Variants in ASCC3 observed in about 807,000 individuals in gnomAD.
ASCC3 encodes the protein ASC-1 complex subunit P200.
Under a neutral mutation model 256.3 loss-of-function variants are expected in ASCC3, and 158 were observed. The observed-to-expected ratio is 0.62, with a 90% CI of 0.54 to 0.70. The LOEUF is 0.70. ASCC3 is among the 30% of genes least tolerant of loss of function. The pLI is 0.00. For synonymous variants in ASCC3, 948 were observed against 883.4 expected (o/e 1.07, Z -1.30); for missense variants, 2,259 against 2,626.0 (o/e 0.86, Z 3.05).
chr6:100,813,074 GAAAGA>G (rs1770558260), intron 4 of ASCC3, among the ~76,000 whole-genome samples: 3 of 151,962 alleles, frequency 2.0e-5, no homozygotes, highest in African/African-American at 7.3e-5. Context: ...ATACCCAAAG[GAAAGA>G]AAAGAGCAAA....
chr6:100,590,104 C>T (rs1043205997), intron 34 of ASCC3, 45 bp from the exon 35 acceptor site: 1 of 1,298,410 alleles, frequency 7.7e-7, no homozygotes, highest in South Asian at 1.2e-5. Flanking sequence ...AAGACATTTT[C>T]TACTAAAACT....
intron 4 of ASCC3, among the ~76,000 whole-genome samples, chr6:100,845,170 T>C (rs1035945536): frequency 3.3e-5 from 5 of 152,160 alleles, no homozygotes; most frequent in African/African-American, 1.2e-4. Flanking sequence ...TTTGTCAGAA[T>C]GTCTGAATTT....
intron 13 of ASCC3, among the ~76,000 whole-genome samples, chr6:100,712,474 C>T (rs1035915554): frequency 2.6e-5 from 4 of 152,132 alleles, no homozygotes; most frequent in Non-Finnish European, 5.9e-5. Context: ...AAAGACATTT[C>T]ACCAAAGAAG....
chr6:100,571,076 C>G (rs1026705461), intron 36 of ASCC3, among the ~76,000 whole-genome samples: 1 of 152,146 alleles, frequency 6.6e-6, no homozygotes, highest in Admixed American at 6.5e-5. Context: ...CCTCTGAACA[C>G]TTAGGATAAA....
At chr6:100,648,646 G>C (rs1009298587) in intron 20 of ASCC3, among the ~76,000 whole-genome samples, 20 of 151,900 alleles carry the variant, frequency 1.3e-4, no homozygotes, top group Admixed American at 3.9e-4. Context: ...GTCTTTATAA[G>C]GCCCAGAGAA....
intron 36 of ASCC3, among the ~76,000 whole-genome samples, chr6:100,577,791 C>T (rs184490246): frequency 4.5e-4 from 69 of 151,912 alleles, no homozygotes; most frequent in African/African-American, 1.5e-3. Context: ...AAGTTTGTCA[C>T]TAATGTTCAT....
At chr6:100,825,563 ACC>A (rs1771263534) in intron 4 of ASCC3, among the ~76,000 whole-genome samples, 1 of 152,032 alleles carries the variant, frequency 6.6e-6, no homozygotes, top group African/African-American at 2.4e-5. Context: ...ACCTTGGTGA[ACC>A]TGATGATTAT....
chr6:100,782,500 C>T (rs934484843), intron 8 of ASCC3, among the ~76,000 whole-genome samples: 8 of 152,116 alleles, frequency 5.3e-5, no homozygotes, highest in African/African-American at 1.9e-4. Flanking sequence ...ATATTTCGCT[C>T]ACAAATCAAT....
chr6:100,696,250 C>T (rs1024725203), intron 13 of ASCC3, among the ~76,000 whole-genome samples: 5 of 151,854 alleles, frequency 3.3e-5, no homozygotes, highest in African/African-American at 1.2e-4. Flanking sequence ...TGAAAACAAA[C>T]AAAAAATTGA....
intron 34 of ASCC3, among the ~76,000 whole-genome samples, chr6:100,592,949 C>T (rs1037953386): frequency 2.6e-5 from 4 of 152,006 alleles, no homozygotes; most frequent in African/African-American, 9.7e-5. Context: ...CTTCTCTTTG[C>T]CATAAACGGA....
intron 36 of ASCC3, among the ~76,000 whole-genome samples, chr6:100,568,054 T>G (rs917027842): frequency 6.6e-6 from 1 of 150,538 alleles, no homozygotes; most frequent in African/African-American, 2.4e-5. Context: ...ACAACATCTG[T>G]TTTTTTTTGA....
intron 4 of ASCC3, among the ~76,000 whole-genome samples, chr6:100,839,296 C>T (rs1487210997): frequency 6.6e-6 from 1 of 152,094 alleles, no homozygotes; most frequent in Non-Finnish European, 1.5e-5. Context: ...CTTAAAAGTA[C>T]TTGGCACAGA....
chr6:100,608,451 ATATATATATACTTTATATATATATACTT>A (rs1773133698), intron 30 of ASCC3, among the ~76,000 whole-genome samples: 14 of 31,562 alleles, frequency 4.4e-4, no homozygotes, highest in African/African-American at 1.2e-3. Flanking sequence ...TATATATTTT[ATATATATATACTTTATATATATATACTT>A]TATATATATA....
chr6:100,732,685 G>GAAGTAA (rs1779958267), intron 10 of ASCC3, among the ~76,000 whole-genome samples: 1 of 152,002 alleles, frequency 6.6e-6, no homozygotes, highest in Non-Finnish European at 1.5e-5. Flanking sequence ...AAGATAACTA[G>GAAGTAA]AAGTTATACT....
Position 100,687,032 on chromosome 6 carries a change from T to TCACACACACACACA in ASCC3, c.2152-7281_2152-7280insTGTGTGTGTGTGTG, listed in dbSNP as rs1305315395. Among the ~76,000 whole-genome samples the TCACACACACACACA allele has an allele frequency of 3.1e-3, 404 of 132,148 alleles. 6 individuals are homozygous for TCACACACACACACA. The highest frequency in any genetic ancestry group is 0.021 in the Admixed American group (268 of 12,584). 86.7% of individuals were successfully genotyped at this position (132,148 alleles called of 152,430 possible). A position where few individuals can be genotyped will look rare whatever the true frequency, so the allele number is the denominator to read the frequency against. On this transcript the variant is annotated intron_variant, in intron 13 of 41. Transcript: ENST00000369162. ...TTAAATCTCTCTCTCTCTCTCTCTCTCTCACACACACACACACACACACAC... is the reference window on the plus strand; with the variant it reads ...TTAAATCTCTCTCTCTCTCTCTCTCTCACACACACACACACTCACACACACACACACACACACAC...
intron 36 of ASCC3, among the ~76,000 whole-genome samples, chr6:100,546,738 T>C (rs924407987): frequency 8.5e-5 from 13 of 152,166 alleles, no homozygotes; most frequent in African/African-American, 3.1e-4. Context: ...ACTTTTTCAC[T>C]GAAACATTTT....
chr6:100,864,341 A>G (rs1413578323), intron 2 of ASCC3, 127 bp from the exon 3 acceptor site: 3 of 809,548 alleles, frequency 3.7e-6, no homozygotes, highest in Non-Finnish European at 5.8e-6. Flanking sequence ...AGTTGTATCT[A>G]TTCACATCCA....
intron 30 of ASCC3, among the ~76,000 whole-genome samples, chr6:100,619,615 A>C (rs1185234067): frequency 6.6e-6 from 1 of 152,178 alleles, no homozygotes; most frequent in African/African-American, 2.4e-5. Context: ...CAGATGATGT[A>C]TGGTAGAGAA....
At chr6:100,673,182 G>A (rs893944673) in intron 14 of ASCC3, among the ~76,000 whole-genome samples, 2 of 151,860 alleles carry the variant, frequency 1.3e-5, no homozygotes, top group Non-Finnish European at 2.9e-5. Context: ...CCAGAGAGAG[G>A]ACCCTAATTA....
Sources: allele counts gnomAD v4.1 joint callset (sites outside exome capture counted in the v4.1 genomes callset), GRCh38; gene constraint gnomAD v4.1.1; transcripts MANE v1.5; gene names NCBI Gene and HGNC (gene_info 2026-07-23, HGNC 2026-07-21).